JAKMIP1: variants seen among roughly 807,000 people sequenced by gnomAD.
JAKMIP1 encodes janus kinase and microtubule interacting protein 1.
Under a neutral mutation model 113.0 loss-of-function variants are expected in JAKMIP1, and 33 were observed. The observed-to-expected ratio is 0.29, with a 90% CI of 0.22 to 0.39. JAKMIP1 has a LOEUF of 0.39. Ranked by LOEUF, JAKMIP1 falls within the 10% of genes least tolerant of loss-of-function variation. JAKMIP1 has a pLI of 1.00. For missense variants in JAKMIP1, 813 were observed against 1,080.5 expected, an observed-to-expected ratio of 0.75 and a Z score of 3.47; for synonymous variants, 480 against 459.9, an observed-to-expected ratio of 1.04 and a Z score of -0.56.
rs1046381895 is a variant in JAKMIP1, at chr4:6,044,917, C to T, written c.2029-2690G>A. 6.6e-6 allele frequency among the ~76,000 whole-genome samples: 1 copy of T among 152,246 alleles called. No individual in the cohort carries two copies. The highest frequency in any genetic ancestry group is 2.4e-5 in the African/African-American group (1 of 41,470). On this transcript the variant is annotated intron_variant, in intron 16 of 20. Coordinates refer to ENST00000409021, the MANE Select transcript of JAKMIP1 (RefSeq NM_001099433.2). The surrounding 1 kb of genome is among the most constrained non-coding windows in gnomAD (Gnocchi z 4.4). The stretch of plus-strand genomic sequence containing the variant: ...AACAGCGTTCATGGTTCTGCTCCAA[C>T]CCCAGGAGAGGGGGTCTCAGGCTGG...
intron 1 of JAKMIP1, among the ~76,000 whole-genome samples, chr4:6,173,844 G>A (rs982892843): frequency 6.6e-6 from 1 of 152,206 alleles, no homozygotes; most frequent in Non-Finnish European, 1.5e-5. Context: ...GGGAGGCCAA[G>A]GCGGGCGGAT....
chr4:6,062,572 C>G (rs565921595), intron 9 of JAKMIP1, 132 bp from the exon 10 acceptor site: 17 of 923,952 alleles, frequency 1.8e-5, no homozygotes, highest in Non-Finnish European at 2.8e-5. Flanking sequence ...ACTTAGACAT[C>G]AAACGACCAC....
intron 5 of JAKMIP1, among the ~76,000 whole-genome samples, chr4:6,082,454 T>A (rs1720716045): frequency 6.6e-6 from 1 of 151,748 alleles, no homozygotes; most frequent in Admixed American, 6.6e-5. Flanking sequence ...TAAAGACCCA[T>A]ATGTATCTTC....
At position 6,155,600 on chromosome 4, in the gene JAKMIP1, G is replaced by T. The variant is rs1226420743; in HGVS notation, c.-147-42603C>A. Among the ~76,000 whole-genome samples the T allele has an allele frequency of 6.6e-6, 1 of 152,226 alleles. No individual in the cohort carries two copies. Among genetic ancestry groups the T allele is most frequent in the Admixed American group, 6.5e-5 (1 of 15,280 alleles). On this transcript the variant is annotated intron_variant, in intron 1 of 20. Transcript: ENST00000409021. This position sits in a 1 kb window ranked among gnomAD's most constrained non-coding sequence, Gnocchi z 6.1. ...TGATTTCCCCTAAAGAACTCACGGAGGATTTACGCGCATATTCAGCTGCAG... is the reference window on the plus strand; with the variant it reads ...TGATTTCCCCTAAAGAACTCACGGATGATTTACGCGCATATTCAGCTGCAG...
rs1721384437 is a variant in JAKMIP1 at position 6,086,891 on chromosome 4, AG to A, written c.625-1263del. ...ACACAGCCTCAAGCCAAGGAACTCA[AG>A]GTCAGCCAGCAACACCAGCATCAGG... On this transcript the variant is annotated intron_variant, in intron 3 of 20. Coordinates refer to ENST00000409021, the MANE Select transcript of JAKMIP1 (RefSeq NM_001099433.2). This position sits in a 1 kb window ranked among gnomAD's most constrained non-coding sequence, Gnocchi z 4.1. 6.6e-6 allele frequency among the ~76,000 whole-genome samples: 1 copy of A among 152,250 alleles called. No individual in the cohort carries two copies. Among genetic ancestry groups the A allele is most frequent in the Admixed American group, 6.5e-5 (1 of 15,304 alleles).
At position 6,064,459 on chromosome 4, in the gene JAKMIP1, A is replaced by G. The variant is rs1717760092; in HGVS notation, c.1431+421T>C. On this transcript the variant is annotated intron_variant, in intron 9 of 20. Coordinates refer to ENST00000409021, the MANE Select transcript of JAKMIP1 (RefSeq NM_001099433.2). This position sits in a 1 kb window ranked among gnomAD's most constrained non-coding sequence, Gnocchi z 4.3. Reference sequence around the variant, plus strand: ...ATTTTTGGATTACATGCTTTATCTTAGTCAAGAAAGCAATGATGCTGTTTC... The same window carrying G: ...ATTTTTGGATTACATGCTTTATCTTGGTCAAGAAAGCAATGATGCTGTTTC... Among the ~76,000 whole-genome samples, 3 of 152,184 alleles carry G rather than the reference A, an allele frequency of 2.0e-5. No individual in the cohort carries two copies. Among genetic ancestry groups the G allele is most frequent in the Non-Finnish European group, 4.4e-5 (3 of 68,034 alleles).
rs28464572 is a variant in JAKMIP1, at chr4:6,061,888, C to T, written c.1560+424G>A. On this transcript the variant is annotated intron_variant, in intron 10 of 20. Coordinates refer to ENST00000409021, the MANE Select transcript of JAKMIP1 (RefSeq NM_001099433.2). The surrounding 1 kb of genome is among the most constrained non-coding windows in gnomAD (Gnocchi z 5.3). ...CCTGGACTGAGGTGGTCACAGGGCCCAGAGTGCCTTGGTGGCTGGGGAGCA... is the reference window on the plus strand; with the variant it reads ...CCTGGACTGAGGTGGTCACAGGGCCTAGAGTGCCTTGGTGGCTGGGGAGCA... Among the ~76,000 whole-genome samples, 6,195 of 152,182 alleles carry T rather than the reference C, an allele frequency of 0.041. 401 individuals carry two copies. Among genetic ancestry groups the T allele is most frequent in the African/African-American group, 0.13 (5,401 of 41,502 alleles).
chr4:6,168,067 T>C lies in JAKMIP1; in HGVS notation c.-148+32186A>G, dbSNP rs1395643355. ...TCAACGTCATCAGCCCTCAGGGTAATACCAATCAAAACCGCAGTGAGACGG... is the reference window on the plus strand; with the variant it reads ...TCAACGTCATCAGCCCTCAGGGTAACACCAATCAAAACCGCAGTGAGACGG... On this transcript the variant is annotated intron_variant, in intron 1 of 20. Transcript: ENST00000409021. This position sits in a 1 kb window ranked among gnomAD's most constrained non-coding sequence, Gnocchi z 4.6. Among the ~76,000 whole-genome samples the C allele has an allele frequency of 6.6e-6, 1 of 151,986 alleles. No homozygotes were observed. Among genetic ancestry groups the C allele is most frequent in the Admixed American group, 6.6e-5 (1 of 15,258 alleles).
chr4:6,040,318 G>A lies in JAKMIP1; in HGVS notation c.2175+321C>T, dbSNP rs868286223. Among the ~76,000 whole-genome samples, 50 of 152,220 alleles carry A rather than the reference G, an allele frequency of 3.3e-4. No homozygotes were observed. Among genetic ancestry groups the A allele is most frequent in the African/African-American group, 1.2e-3 (49 of 41,512 alleles). Reference sequence around the variant, plus strand: ...CTATTTATAGGAAAACTTGCTTTGGGACTTTAAGTCTAAATATTTAAGTAA... The same window carrying A: ...CTATTTATAGGAAAACTTGCTTTGGAACTTTAAGTCTAAATATTTAAGTAA... On this transcript the variant is annotated intron_variant, in intron 18 of 20. Transcript: ENST00000409021. This position sits in a 1 kb window ranked among gnomAD's most constrained non-coding sequence, Gnocchi z 5.8.
rs1468534967 is a variant in JAKMIP1 at position 6,064,532 on chromosome 4, G to A, written c.1431+348C>T. Among the ~76,000 whole-genome samples the A allele has an allele frequency of 6.6e-6, 1 of 152,228 alleles. No homozygotes were observed. Among genetic ancestry groups the A allele is most frequent in the Non-Finnish European group, 1.5e-5 (1 of 68,046 alleles). On this transcript the variant is annotated intron_variant, in intron 9 of 20. Coordinates refer to ENST00000409021, the MANE Select transcript of JAKMIP1 (RefSeq NM_001099433.2). This position sits in a 1 kb window ranked among gnomAD's most constrained non-coding sequence, Gnocchi z 4.3. ...TGCACACATGCGTGGGGACCAGGGA[G>A]AGACCATTACGCAGCAGTTTTAATT...
intron 3 of JAKMIP1, among the ~76,000 whole-genome samples, chr4:6,095,906 C>A (rs763352223): frequency 7.9e-5 from 12 of 152,160 alleles, no homozygotes; most frequent in Middle Eastern, 3.4e-3. Context: ...AAGAAATAAT[C>A]AAAGAGAGAG....
In JAKMIP1 at chr4:6,050,939, C is replaced by T. The variant is rs1056514965; in HGVS notation, c.1807-260G>A. Reference sequence around the variant, plus strand: ...GGTTAACAGGGTACCGTGGCTTTATCCATTGTGAGATCAAAACCCAGGAAA... The same window carrying T: ...GGTTAACAGGGTACCGTGGCTTTATTCATTGTGAGATCAAAACCCAGGAAA... On this transcript the variant is annotated intron_variant, in intron 13 of 20. Coordinates refer to ENST00000409021, the MANE Select transcript of JAKMIP1 (RefSeq NM_001099433.2). This position sits in a 1 kb window ranked among gnomAD's most constrained non-coding sequence, Gnocchi z 7.4. 6.6e-6 allele frequency among the ~76,000 whole-genome samples: 1 copy of T among 152,172 alleles called. No individual in the cohort carries two copies. The highest frequency in any genetic ancestry group is 1.5e-5 in the Non-Finnish European group (1 of 68,036).
intron 4 of JAKMIP1, among the ~76,000 whole-genome samples, 194 bp from the exon 5 acceptor site, chr4:6,085,159 T>C (rs148496119): frequency 6.6e-6 from 1 of 152,058 alleles, no homozygotes; most frequent in Non-Finnish European, 1.5e-5. Flanking sequence ...AGACGGCCAC[T>C]GAGACTTCAA....
At chr4:6,066,503 C>G (rs150875669) in intron 8 of JAKMIP1, among the ~76,000 whole-genome samples, 1 of 152,240 alleles carries the variant, frequency 6.6e-6, no homozygotes, top group Non-Finnish European at 1.5e-5. Flanking sequence ...CAGACTCATA[C>G]GTCAGCTGCG....
Position 6,142,280 on chromosome 4 carries a change from C to T in JAKMIP1, c.-147-29283G>A, listed in dbSNP as rs879609136. On this transcript the variant is annotated intron_variant, in intron 1 of 20. Transcript: ENST00000409021. This position sits in a 1 kb window ranked among gnomAD's most constrained non-coding sequence, Gnocchi z 5.5. ...TTCCCTTTCCAATTCACTGGCCAAA[C>T]GCTGCAAAGTTTCGAAGAGGCTCGT... Among the ~76,000 whole-genome samples the T allele has an allele frequency of 7.2e-5, 11 of 152,280 alleles. No homozygotes were observed. The highest frequency in any genetic ancestry group is 2.0e-4 in the Admixed American group (3 of 15,300).
intron 19 of JAKMIP1, among the ~76,000 whole-genome samples, chr4:6,030,127 A>T (rs748094609): frequency 6.6e-6 from 1 of 152,174 alleles, no homozygotes; most frequent in Non-Finnish European, 1.5e-5. Context: ...AAAACAAAAC[A>T]TCGAGACTGG....
Position 6,156,983 on chromosome 4 carries a change from T to A in JAKMIP1, c.-148+43270A>T, listed in dbSNP as rs1390885587. On this transcript the variant is annotated intron_variant, in intron 1 of 20. Coordinates refer to ENST00000409021, the MANE Select transcript of JAKMIP1 (RefSeq NM_001099433.2). The surrounding 1 kb of genome is among the most constrained non-coding windows in gnomAD (Gnocchi z 5.0). ...ACTGTTAATCCCCAATGCACCAGTG[T>A]AAAGAGGGGGGACCTTTAAGGGGTG... Among the ~76,000 whole-genome samples the A allele has an allele frequency of 2.0e-4, 31 of 152,182 alleles. No individual in the cohort carries two copies. The highest frequency in any genetic ancestry group is 2.0e-3 in the Admixed American group (31 of 15,282).
intron 3 of JAKMIP1, among the ~76,000 whole-genome samples, chr4:6,102,704 T>C (rs1285770827): frequency 6.6e-6 from 1 of 150,936 alleles, no homozygotes; most frequent in Non-Finnish European, 1.5e-5. Flanking sequence ...GTTTCCCTTT[T>C]TTCTCCCTCT....
At chr4:6,128,422 C>T (rs1441212609) in intron 1 of JAKMIP1, among the ~76,000 whole-genome samples, 1 of 152,106 alleles carries the variant, frequency 6.6e-6, no homozygotes, top group Non-Finnish European at 1.5e-5. Context: ...GGGCTGCAAG[C>T]AGTGAATGAG....
Sources: gnomAD v4.1 joint callset for allele counts (sites outside exome capture counted in the v4.1 genomes callset) on GRCh38, gnomAD v4.1.1 for gene constraint, Gnocchi (gnomAD v3.1) non-coding constraint, MANE v1.5 for transcripts, NCBI Gene and HGNC (gene_info 2026-07-23, HGNC 2026-07-21) for gene names.